DCLK1: variants seen among roughly 807,000 people sequenced by gnomAD.
The protein encoded by DCLK1 is doublecortin like kinase 1, also known as serine/threonine-protein kinase DCLK1.
In DCLK1, 16 loss-of-function variants were observed where a neutral mutation model predicts 86.2. The observed-to-expected ratio is 0.19, with a 90% CI of 0.13 to 0.28. The LOEUF (loss-of-function observed/expected upper bound fraction) is 0.28, where lower values mean the gene tolerates loss of function less well. Among genes scored for constraint, DCLK1 ranks in the 10% least tolerant of loss-of-function variants. The pLI is 1.00. For synonymous variants in DCLK1, 369 were observed against 370.5 expected (o/e 1.00, Z 0.05); for missense variants, 590 against 940.2 (o/e 0.63, Z 4.87).
At chr13:35,975,451 TC>T (rs548217391) in intron 3 of DCLK1, among the ~76,000 whole-genome samples, 86 of 152,202 alleles carry the variant, frequency 5.7e-4, no homozygotes, top group African/African-American at 1.9e-3. Context: ...GAGGGTCCAC[TC>T]CCTGTTCCTG....
intron 3 of DCLK1, among the ~76,000 whole-genome samples, chr13:35,952,158 T>C (rs1036126178): frequency 6.6e-6 from 1 of 152,212 alleles, no homozygotes; most frequent in Non-Finnish European, 1.5e-5. Flanking sequence ...TAAATAAGTA[T>C]AAATCGAGTG....
chr13:36,033,889 C>T (rs1379692588), intron 3 of DCLK1, among the ~76,000 whole-genome samples: 2 of 152,214 alleles, frequency 1.3e-5, no homozygotes, highest in Non-Finnish European at 2.9e-5. Flanking sequence ...CGCACCATTG[C>T]GCTCCAGCCT....
intron 3 of DCLK1, among the ~76,000 whole-genome samples, chr13:35,971,025 A>G (rs942922353): frequency 6.6e-6 from 1 of 152,166 alleles, no homozygotes; most frequent in Admixed American, 6.5e-5. Context: ...TGTTAGGGTA[A>G]CATACTTGAC....
chr13:35,919,916 GT>G (rs1200812814), intron 4 of DCLK1, among the ~76,000 whole-genome samples: 2 of 102,616 alleles, frequency 1.9e-5, no homozygotes, highest in African/African-American at 7.4e-5. Flanking sequence ...GGGTGGGGGG[GT>G]TGTGAGAATT....
intron 15 of DCLK1, among the ~76,000 whole-genome samples, chr13:35,803,927 GC>G (rs1406563473): frequency 2.6e-5 from 4 of 152,176 alleles, no homozygotes; most frequent in Admixed American, 2.0e-4. Context: ...TTCTATTCTG[GC>G]AGTAGGAACT....
chr13:35,792,032 A>G (rs114826468), intron 16 of DCLK1, among the ~76,000 whole-genome samples: 1 of 152,342 alleles, frequency 6.6e-6, no homozygotes, highest in African/African-American at 2.4e-5. Context: ...CTGACCATCT[A>G]TGGAAGATGT....
At chr13:36,024,441 G>A (rs1349051553) in intron 3 of DCLK1, among the ~76,000 whole-genome samples, 1 of 151,882 alleles carries the variant, frequency 6.6e-6, no homozygotes, top group Non-Finnish European at 1.5e-5. Flanking sequence ...ATAAACTAAC[G>A]AGAAATCTAA....
chr13:35,887,287 T>A (rs1873330445), intron 4 of DCLK1, among the ~76,000 whole-genome samples: 1 of 152,190 alleles, frequency 6.6e-6, no homozygotes, highest in Non-Finnish European at 1.5e-5. Flanking sequence ...CAAGTAGAAA[T>A]GGACACTCTT....
intron 3 of DCLK1, among the ~76,000 whole-genome samples, chr13:36,026,904 T>A (rs986467598): frequency 6.6e-6 from 1 of 152,160 alleles, no homozygotes; most frequent in Non-Finnish European, 1.5e-5. Flanking sequence ...CCCTCATTAA[T>A]CCAAAACAAG....
intron 8 of DCLK1, among the ~76,000 whole-genome samples, chr13:35,835,304 A>G (rs1473981000): frequency 6.6e-6 from 1 of 152,014 alleles, no homozygotes; most frequent in African/African-American, 2.4e-5. Flanking sequence ...AGTTCCCCCA[A>G]CTTTGCAGTA....
chr13:35,795,686 C>T (rs146186651), intron 15 of DCLK1, among the ~76,000 whole-genome samples: 2,104 of 152,060 alleles, frequency 0.014, 38 homozygotes, highest in African/African-American at 0.048. Flanking sequence ...TTTGGGAGGC[C>T]GAGGCAGGTG....
chr13:35,963,914 A>G (rs1197463611), intron 3 of DCLK1, among the ~76,000 whole-genome samples: 1 of 152,196 alleles, frequency 6.6e-6, no homozygotes, highest in East Asian at 1.9e-4. Context: ...TAAATTACCC[A>G]ATTTTGAGTA....
intron 3 of DCLK1, among the ~76,000 whole-genome samples, chr13:36,018,141 G>A (rs948005631): frequency 2.6e-5 from 4 of 152,110 alleles, no homozygotes; most frequent in Non-Finnish European, 5.9e-5. Flanking sequence ...GGAACTTAAT[G>A]TGTTAGAGTG....
chr13:36,043,358 T>A (rs1882761438), intron 3 of DCLK1, among the ~76,000 whole-genome samples: 1 of 151,896 alleles, frequency 6.6e-6, no homozygotes, highest in Non-Finnish European at 1.5e-5. Context: ...GTAAAATTAA[T>A]TTCTCAGTAA....
chr13:35,849,113 G>A (rs1870421512), intron 6 of DCLK1: 1 of 985,162 alleles, frequency 1.0e-6, no homozygotes, highest in Non-Finnish European at 1.2e-6. Flanking sequence ...AATTATTATA[G>A]GGCTAAGTTT....
intron 11 of DCLK1, among the ~76,000 whole-genome samples, chr13:35,820,800 A>G (rs1448175625): frequency 6.6e-6 from 1 of 152,212 alleles, no homozygotes; most frequent in Non-Finnish European, 1.5e-5. Context: ...TACTGTGAAG[A>G]TGAGGAATTT....
rs191489868 is a variant in DCLK1, at chr13:35,982,668, C to T, written c.724-35211G>A. Among the ~76,000 whole-genome samples the T allele has an allele frequency of 3.7e-3, 557 of 152,210 alleles. 3 individuals carry two copies. Among genetic ancestry groups the T allele is most frequent in the Admixed American group, 0.016 (240 of 15,294 alleles). On this transcript the variant is annotated intron_variant, in intron 3 of 16. Coordinates refer to ENST00000360631, the MANE Select transcript of DCLK1 (RefSeq NM_001330071.2). Reference sequence around the variant, plus strand: ...TCTTTGGATTTGGAATACAATTTTTCGAAAATCTAAAACCTGATTGTTAAG... The same window carrying T: ...TCTTTGGATTTGGAATACAATTTTTTGAAAATCTAAAACCTGATTGTTAAG...
At chr13:36,064,790 T>C (rs1378918081) in intron 3 of DCLK1, among the ~76,000 whole-genome samples, 1 of 151,648 alleles carries the variant, frequency 6.6e-6, no homozygotes, top group Non-Finnish European at 1.5e-5. Flanking sequence ...GAAAGTTCAG[T>C]GCAAAAATCT....
At chr13:35,868,609 A>C (rs957837741) in intron 5 of DCLK1, among the ~76,000 whole-genome samples, 1 of 152,194 alleles carries the variant, frequency 6.6e-6, no homozygotes, top group Non-Finnish European at 1.5e-5. Context: ...GATACTATTC[A>C]TTAATTCATT....
Sources: gnomAD v4.1 joint callset for allele counts (sites outside exome capture counted in the v4.1 genomes callset) on GRCh38, gnomAD v4.1.1 for gene constraint, MANE v1.5 for transcripts, NCBI Gene and HGNC (gene_info 2026-07-23, HGNC 2026-07-21) for gene names.